NCOR2: variants seen among roughly 807,000 people sequenced by gnomAD.
NCOR2 encodes the protein CTG repeat protein 26.
NCOR2 carries 81 observed loss-of-function variants against 262.9 expected under a neutral mutation model. The observed-to-expected ratio is 0.31, with a 90% confidence interval of 0.26 to 0.37. The LOEUF (loss-of-function observed/expected upper bound fraction) is 0.37. Ranked by LOEUF, NCOR2 falls within the 10% of genes least tolerant of loss-of-function variation. The probability of loss-of-function intolerance (pLI) is 1.00; values close to 1 mark genes in which losing one functional copy is unlikely to be tolerated. For missense variants in NCOR2, 3,385 were observed against 3,621.4 expected (o/e 0.93, Z 1.68); for synonymous variants, 1,659 against 1,559.3 (o/e 1.06, Z -1.51).
At position 124,503,699 on chromosome 12, in the gene NCOR2, G is replaced by GATGGATGGATGGAGAGACGA; in HGVS notation, c.-117-8332_-117-8331insTCGTCTCTCCATCCATCCAT. On this transcript the variant is annotated intron_variant, in intron 1 of 46. Transcript: ENST00000404621. This position sits in a 1 kb window ranked among gnomAD's most constrained non-coding sequence, Gnocchi z 4.3. ...GGATGGATGGATGGATGGATGGATG[G>GATGGATGGATGGAGAGACGA]ATGGATGGATGGACAGACGAATGGA... is the stretch of plus-strand genomic sequence containing the variant. Among the ~76,000 whole-genome samples, 1 of 151,276 alleles carries GATGGATGGATGGAGAGACGA rather than the reference G, an allele frequency of 6.6e-6. No homozygotes were observed. Among genetic ancestry groups the GATGGATGGATGGAGAGACGA allele is most frequent in the Non-Finnish European group, 1.5e-5 (1 of 67,852 alleles).
chr12:124,402,218 G>A (rs371033928), intron 14 of NCOR2, among the ~76,000 whole-genome samples, 186 bp downstream of exon 16: 7 of 152,166 alleles, frequency 4.6e-5, no homozygotes, highest in African/African-American at 1.7e-4. Flanking sequence ...CCAGGGAGGA[G>A]GAGTAGGGCG....
intron 3 of NCOR2, among the ~76,000 whole-genome samples, chr12:124,480,694 G>C (rs371204730): frequency 1.3e-5 from 2 of 152,020 alleles, no homozygotes; most frequent in Non-Finnish European, 1.5e-5. Context: ...GGGAGGTGTC[G>C]TTCTCCAGCC....
At chr12:124,461,728 C>A (rs752584254) in intron 5 of NCOR2, among the ~76,000 whole-genome samples, 1 of 152,256 alleles carries the variant, frequency 6.6e-6, no homozygotes, top group Non-Finnish European at 1.5e-5. Flanking sequence ...TGCACACAGC[C>A]TAACGTGTAC....
At chr12:124,532,594 A>G (rs1263679801) in intron 1 of NCOR2, among the ~76,000 whole-genome samples, 1 of 152,180 alleles carries the variant, frequency 6.6e-6, no homozygotes. Flanking sequence ...GCCCCGGCAG[A>G]GGAAGCTAAG....
intron 2 of NCOR2, among the ~76,000 whole-genome samples, chr12:124,484,920 G>A (rs2047694598): frequency 6.6e-6 from 1 of 152,196 alleles, no homozygotes; most frequent in Admixed American, 6.5e-5. Flanking sequence ...ACTGAATGCT[G>A]CCCACTGCAG....
chr12:124,334,726 G>A, intron 40 of NCOR2, 109 bp from the exon 43 acceptor site: 1 of 615,122 alleles, frequency 1.6e-6, no homozygotes, highest in Non-Finnish European at 2.7e-6. Context: ...GGTGGGGCCA[G>A]CTTCCTGGGT....
chr12:124,465,081 C>T (rs1053415329), intron 5 of NCOR2, among the ~76,000 whole-genome samples: 8 of 152,140 alleles, frequency 5.3e-5, no homozygotes, highest in Non-Finnish European at 1.0e-4. Flanking sequence ...CCACGTGACT[C>T]GAGGCCTCCC....
chr12:124,533,489 G>A (rs556524914), intron 1 of NCOR2, among the ~76,000 whole-genome samples: 2 of 151,864 alleles, frequency 1.3e-5, no homozygotes, highest in East Asian at 3.9e-4. Context: ...AGGCTCCCCA[G>A]ACCCCTTCAC....
chr12:124,534,282 C>T (rs1277366127), intron 1 of NCOR2, among the ~76,000 whole-genome samples: 1 of 152,090 alleles, frequency 6.6e-6, no homozygotes, highest in African/African-American at 2.4e-5. Context: ...CATGGCGAAA[C>T]CCCATCTCTA....
intron 1 of NCOR2, among the ~76,000 whole-genome samples, chr12:124,528,625 G>A (rs540063074): frequency 1.2e-3 from 190 of 152,322 alleles, no homozygotes; most frequent in African/African-American, 3.2e-3. Context: ...TGATCCGGAA[G>A]GCACAGCGTC....
rs1407916494 is a variant in NCOR2, at chr12:124,517,424, C to T, written c.-118+18141G>A. Among the ~76,000 whole-genome samples the T allele has an allele frequency of 1.3e-5, 2 of 152,210 alleles. No individual in the cohort carries two copies. The highest frequency in any genetic ancestry group is 1.9e-4 in the East Asian group (1 of 5,190). ...CCTTCCAACTTTCCAGTGTTTATCC[C>T]GGCTCCTCGCTGCCAAGTCCCTGGG... On this transcript the variant is annotated intron_variant, in intron 1 of 46. Coordinates refer to the NCOR2 transcript ENST00000404621. The surrounding 1 kb of genome is among the most constrained non-coding windows in gnomAD (Gnocchi z 7.6).
chr12:124,551,887 T>C (rs2051725359), intron 1 of NCOR2, among the ~76,000 whole-genome samples: 1 of 152,134 alleles, frequency 6.6e-6, no homozygotes, highest in African/African-American at 2.4e-5. Flanking sequence ...AGGCCGCGGC[T>C]CCAAGAGCCC....
intron 28 of NCOR2, 185 bp from the exon 31 acceptor site, chr12:124,348,499 C>A (rs936940744): frequency 5.5e-6 from 4 of 729,158 alleles, no homozygotes; most frequent in Admixed American, 3.4e-5. Flanking sequence ...GGCCTGCCAG[C>A]AGGACCCAGG....
At chr12:124,501,173 A>ACGG (rs1231548632) in intron 1 of NCOR2, among the ~76,000 whole-genome samples, 1 of 151,854 alleles carries the variant, frequency 6.6e-6, no homozygotes, top group African/African-American at 2.4e-5. Context: ...GGGCGGAACC[A>ACGG]CGGCGGGAAC....
At chr12:124,445,470 G>C (rs981751489) in intron 7 of NCOR2, among the ~76,000 whole-genome samples, 1 of 152,236 alleles carries the variant, frequency 6.6e-6, no homozygotes, top group Non-Finnish European at 1.5e-5. Context: ...CTGTGCGGCA[G>C]GAAGTCAAGC....
chr12:124,552,523 G>A (rs1197312118), intron 1 of NCOR2, among the ~76,000 whole-genome samples: 4 of 152,184 alleles, frequency 2.6e-5, no homozygotes, highest in African/African-American at 9.7e-5. Context: ...GGTCACCAAT[G>A]GTAGGAACGC....
intron 1 of NCOR2, among the ~76,000 whole-genome samples, chr12:124,512,053 G>A (rs576285289): frequency 2.0e-5 from 3 of 152,294 alleles, no homozygotes; most frequent in African/African-American, 7.2e-5. Context: ...TGGGACTACA[G>A]GCAAGCCGCC....
At chr12:124,427,915 C>T (rs1231986139) in intron 10 of NCOR2, among the ~76,000 whole-genome samples, 3 of 152,158 alleles carry the variant, frequency 2.0e-5, no homozygotes, top group African/African-American at 4.8e-5. Flanking sequence ...TGCACACTCC[C>T]GGGGGAACCT....
intron 3 of NCOR2, among the ~76,000 whole-genome samples, chr12:124,479,970 T>C (rs1176659482): frequency 2.0e-5 from 3 of 152,232 alleles, no homozygotes; most frequent in Non-Finnish European, 4.4e-5. Flanking sequence ...TGGCTGGGCA[T>C]GACTTGGCAC....
Sources: gnomAD v4.1 joint callset for allele counts (sites outside exome capture counted in the v4.1 genomes callset) on GRCh38, gnomAD v4.1.1 for gene constraint, Gnocchi (gnomAD v3.1) non-coding constraint, MANE v1.5 for transcripts, NCBI Gene and HGNC (gene_info 2026-07-23, HGNC 2026-07-21) for gene names.